The following CREBRF variants were observed in gnomAD, a reference collection of about 807,000 sequenced individuals.
The protein encoded by CREBRF is UPF0474 protein C5orf41.
A neutral mutation model predicts 66.1 loss-of-function variants in CREBRF; 5 were observed. That is an observed-to-expected ratio of 0.08 (90% confidence interval 0.04 to 0.16). The LOEUF (loss-of-function observed/expected upper bound fraction) is 0.16. Ranked by LOEUF, CREBRF falls within the 10% of genes least tolerant of loss-of-function variation. The pLI, the probability that CREBRF is intolerant of heterozygous loss-of-function variation, is 1.00. For synonymous variants in CREBRF, 229 were observed against 264.4 expected (o/e 0.87, Z 1.30); for missense variants, 531 against 744.9 (o/e 0.71, Z 3.34).
intron 6 of CREBRF, 65 bp downstream of exon 6, chr5:173,110,776 G>T: frequency 8.7e-7 from 1 of 1,155,634 alleles, no homozygotes; most frequent in Non-Finnish European, 1.2e-6. Flanking sequence ...CCCTAAGTGA[G>T]TTTTTATAGA....
chr5:173,129,971 A>G (rs1368528914), intron 8 of CREBRF, among the ~76,000 whole-genome samples: 2 of 151,940 alleles, frequency 1.3e-5, no homozygotes, highest in African/African-American at 2.4e-5. Flanking sequence ...GATTACAGGC[A>G]CATGCCACCA....
chr5:173,077,020 T>A (rs1757785670), intron 1 of CREBRF, among the ~76,000 whole-genome samples: 1 of 151,706 alleles, frequency 6.6e-6, no homozygotes, highest in African/African-American at 2.4e-5. Context: ...CTCGGCTCAC[T>A]ATAACCTCTG....
rs1199267333 is a variant in CREBRF at position 173,079,992 on chromosome 5, C to T, written c.-191-593C>T. Among the ~76,000 whole-genome samples, 3 of 152,342 alleles carry T rather than the reference C, an allele frequency of 2.0e-5. No homozygotes were observed. The East Asian group carries it at 5.8e-4, about 29-fold the overall frequency. Reference sequence around the variant, plus strand: ...TCAGGCCCGTTTTCCCTCAAACATACACCTGTTAAAAACTTGCTGGAATGA... The same window carrying T: ...TCAGGCCCGTTTTCCCTCAAACATATACCTGTTAAAAACTTGCTGGAATGA... On this transcript the variant is annotated intron_variant, in intron 1 of 8. Transcript: ENST00000296953.
At chr5:173,110,452 G>A in intron 5 of CREBRF, 70 bp from the exon 6 acceptor site, 1 of 1,086,924 alleles carries the variant, frequency 9.2e-7, no homozygotes, top group Non-Finnish European at 1.4e-6. Flanking sequence ...GGTTAAAAAT[G>A]TGGCCGTGAA....
At chr5:173,069,037 A>G (rs971095953) in intron 1 of CREBRF, among the ~76,000 whole-genome samples, 1 of 151,642 alleles carries the variant, frequency 6.6e-6, no homozygotes, top group African/African-American at 2.4e-5. Flanking sequence ...ACGCCACTGC[A>G]CTCCAGCCTG....
At chr5:173,085,331 A>T in intron 2 of CREBRF, 1 of 1,161,530 alleles carries the variant, frequency 8.6e-7, no homozygotes, top group Non-Finnish European at 1.2e-6. Context: ...CTCTGGAGAG[A>T]TGTTCATAGC....
chr5:173,121,563 C>T (rs531663973), intron 7 of CREBRF, among the ~76,000 whole-genome samples: 30 of 152,042 alleles, frequency 2.0e-4, no homozygotes, highest in Non-Finnish European at 2.9e-4. Flanking sequence ...ACCCCGTGAT[C>T]CGCCCGCCTT....
In CREBRF at chr5:173,086,522, C is replaced by A; in HGVS notation, c.31C>A (p.Pro11Thr). ...GTAGCCTAGTGTAAGCGGAATGGAT[C>A]CGCCTTTCGGGGATGCCTTTCGAAG... MPQPSVSGMD[P>T]PFGDAFRSHT... Residue 11 changes from proline (P) to threonine (T), a missense_variant, in exon 3 of 9, where the codon CCG becomes ACG. Physicochemically the swap from Pro to Thr is conservative, Grantham distance 38. This residue lies in a region of CREBRF where 133 missense variants were observed against 215.6 expected (regional missense o/e 0.62). Coordinates refer to ENST00000296953, the MANE Select transcript of CREBRF (RefSeq NM_153607.3). 1 of 1,613,996 alleles carries A rather than the reference C, an allele frequency of 6.2e-7. No individual in the cohort carries two copies. The highest frequency in any genetic ancestry group is 1.3e-5 in the African/African-American group (1 of 75,030).
chr5:173,087,446 C>T (rs1398592448), intron 3 of CREBRF, among the ~76,000 whole-genome samples: 1 of 152,018 alleles, frequency 6.6e-6, no homozygotes, highest in Non-Finnish European at 1.5e-5. Context: ...GCCTGTAATC[C>T]CAGCACTTTG....
intron 1 of CREBRF, among the ~76,000 whole-genome samples, chr5:173,068,301 G>A (rs1185127305): frequency 6.6e-6 from 1 of 152,162 alleles, no homozygotes; most frequent in Non-Finnish European, 1.5e-5. Flanking sequence ...TCAGCAGTTG[G>A]AATAATCTGC....
chr5:173,100,129 T>TATATATAA (rs1758589053), intron 4 of CREBRF, among the ~76,000 whole-genome samples: 1 of 136,480 alleles, frequency 7.3e-6, no homozygotes, highest in African/African-American at 2.7e-5. Flanking sequence ...TATATATATA[T>TATATATAA]AATTTTTTTT....
intron 1 of CREBRF, among the ~76,000 whole-genome samples, chr5:173,067,318 G>A (rs1409691147): frequency 6.6e-6 from 1 of 152,188 alleles, no homozygotes; most frequent in African/African-American, 2.4e-5. Flanking sequence ...GAGCTGTCAA[G>A]ACTGAACACC....
chr5:173,067,645 A>G (rs1252978244), intron 1 of CREBRF, among the ~76,000 whole-genome samples: 2 of 152,198 alleles, frequency 1.3e-5, no homozygotes, highest in Non-Finnish European at 2.9e-5. Flanking sequence ...AACTGAACAC[A>G]ACTGATTTGT....
chr5:173,123,032 GTC>G (rs1561816615), intron 7 of CREBRF, 46 bp from the exon 8 acceptor site: 5 of 1,528,208 alleles, frequency 3.3e-6, no homozygotes, highest in Non-Finnish European at 4.4e-6. Context: ...TAAAAGGAAA[GTC>G]TTTCATGGTA....
Position 173,110,545 on chromosome 5 carries a change from C to A in CREBRF, c.1441C>A (p.Arg481=). The A allele has an allele frequency of 6.2e-7, 1 of 1,613,116 alleles. No homozygotes were observed. The highest frequency in any genetic ancestry group is 8.5e-7 in the Non-Finnish European group (1 of 1,179,156). ...AGGAAAATATGCAGTAAAGAAGTCACGGAGAACTGATGTAGAAGACCTGAC... is the reference window on the plus strand; with the variant it reads ...AGGAAAATATGCAGTAAAGAAGTCAAGGAGAACTGATGTAGAAGACCTGAC... ...HHGKYAVKKS[R]RTDVEDLTPN... is the part of the protein sequence containing the mutation. Residue 481 remains arginine, a synonymous_variant, in exon 6 of 9, where the codon CGG becomes AGG. Coordinates refer to ENST00000296953, the MANE Select transcript of CREBRF (RefSeq NM_153607.3).
chr5:173,090,819 A>G lies in CREBRF; in HGVS notation c.640A>G (p.Met214Val), dbSNP rs143968257. 8 of 1,614,044 alleles carry G rather than the reference A, an allele frequency of 5.0e-6. No homozygotes were observed. The highest frequency in any genetic ancestry group is 1.3e-5 in the African/African-American group (1 of 74,944). The change falls in exon 4 of 9, where the codon ATG becomes GTG. Residue 214 changes from methionine to valine, a missense_variant. Met to Val is a conservative substitution (Grantham distance 21, BLOSUM62 1). Transcript: ENST00000296953. This position sits in a 1 kb window ranked among gnomAD's most constrained non-coding sequence, Gnocchi z 4.5. ...ASKPTSSTQI[M>V]VKTNMYHNEK... ...TAAACCCACTTCAAGCACACAAATC[A>G]TGGTGAAGACCAACATGTATCATAA...
chr5:173,074,578 C>T (rs1186267398), intron 1 of CREBRF, among the ~76,000 whole-genome samples: 2 of 151,330 alleles, frequency 1.3e-5, no homozygotes, highest in Non-Finnish European at 3.0e-5. Flanking sequence ...AGACCTAATT[C>T]ACCTCCCATA....
chr5:173,133,585 C>T, intron 8 of CREBRF, 45 bp from the exon 9 acceptor site: 1 of 1,129,588 alleles, frequency 8.9e-7, no homozygotes, highest in East Asian at 2.4e-5. Context: ...CCCTTCATGG[C>T]CTTCCATTTT....
intron 7 of CREBRF, 93 bp downstream of exon 7, chr5:173,112,472 T>C: frequency 2.3e-6 from 2 of 878,382 alleles, no homozygotes; most frequent in Non-Finnish European, 3.5e-6. Context: ...TTCGCTGTAT[T>C]CTGCCTAGTT....
Sources: gnomAD v4.1 joint callset for allele counts (sites outside exome capture counted in the v4.1 genomes callset) on GRCh38, gnomAD v4.1.1 for gene constraint, gnomAD v4.1.1 regional missense constraint, Gnocchi (gnomAD v3.1) non-coding constraint, MANE v1.5 for transcripts, NCBI Gene and HGNC (gene_info 2026-07-23, HGNC 2026-07-21) for gene names.